PKHD1: variants seen among roughly 807,000 people sequenced by gnomAD.
PKHD1 encodes the protein PKHD1 ciliary IPT domain containing fibrocystin/polyductin.
Under a neutral mutation model 412.0 loss-of-function variants are expected in PKHD1, and 291 were observed. The observed-to-expected ratio is 0.71, with a 90% CI of 0.64 to 0.78. PKHD1 has a LOEUF of 0.78. Among genes scored for constraint, PKHD1 ranks in the 30% least tolerant of loss-of-function variants. The probability of loss-of-function intolerance (pLI) is 0.00; values close to 1 mark genes in which losing one functional copy is unlikely to be tolerated. For synonymous variants in PKHD1, 1,777 were observed against 1,821.5 expected (o/e 0.98, Z 0.62); for missense variants, 4,825 against 4,950.7 (o/e 0.97, Z 0.76).
intron 53 of PKHD1, among the ~76,000 whole-genome samples, chr6:51,785,432 T>C (rs897584441): frequency 1.3e-5 from 2 of 152,166 alleles, no homozygotes; most frequent in African/African-American, 4.8e-5. Context: ...AGATAAATGG[T>C]ATTGAGTTTA....
At chr6:52,069,572 G>T in intron 10 of PKHD1, 45 bp from the exon 11 acceptor site, 1 of 1,479,546 alleles carries the variant, frequency 6.8e-7, no homozygotes, top group Non-Finnish European at 9.5e-7. Flanking sequence ...ATATCAACTG[G>T]GATTGCATTT....
chr6:52,080,352 G>C (rs1811862612), intron 4 of PKHD1, among the ~76,000 whole-genome samples: 2 of 152,146 alleles, frequency 1.3e-5, no homozygotes, highest in African/African-American at 4.8e-5. Context: ...GAAAAACTAA[G>C]AGACTTATGT....
At chr6:51,722,569 C>T (rs540699154) in intron 60 of PKHD1, among the ~76,000 whole-genome samples, 1 of 152,124 alleles carries the variant, frequency 6.6e-6, no homozygotes, top group Non-Finnish European at 1.5e-5. Flanking sequence ...ATCCGTAAAG[C>T]ATATAACACA....
chr6:51,667,957 T>A (rs1006612379), intron 60 of PKHD1, among the ~76,000 whole-genome samples: 1 of 152,172 alleles, frequency 6.6e-6, no homozygotes, highest in African/African-American at 2.4e-5. Context: ...AGCCTTGTAG[T>A]ATAGTTTGAA....
intron 11 of PKHD1, among the ~76,000 whole-genome samples, chr6:52,068,402 C>T (rs961347713): frequency 3.3e-5 from 5 of 152,176 alleles, no homozygotes; most frequent in Non-Finnish European, 7.3e-5. Flanking sequence ...ATCAGTCATT[C>T]TAGGGTTTGA....
intron 60 of PKHD1, among the ~76,000 whole-genome samples, chr6:51,684,448 A>C (rs1777153419): frequency 6.6e-6 from 1 of 152,156 alleles, no homozygotes; most frequent in Non-Finnish European, 1.5e-5. Flanking sequence ...AGAGGCAATG[A>C]ACAAATAATG....
intron 48 of PKHD1, 64 bp downstream of exon 48, chr6:51,867,799 C>A (rs183247466): frequency 6.8e-7 from 1 of 1,468,772 alleles, no homozygotes. Context: ...CTATAAGCCT[C>A]GACAGCCAGA....
intron 46 of PKHD1, among the ~76,000 whole-genome samples, chr6:51,881,653 T>G (rs1261773654): frequency 1.3e-5 from 2 of 152,194 alleles, no homozygotes; most frequent in Admixed American, 6.5e-5. Flanking sequence ...TGGGAGGATA[T>G]CAGGGTGGTC....
intron 51 of PKHD1, among the ~76,000 whole-genome samples, chr6:51,832,322 G>T (rs1236244676): frequency 6.6e-6 from 1 of 152,008 alleles, no homozygotes; most frequent in Non-Finnish European, 1.5e-5. Context: ...AGGTTGTGAT[G>T]AGTGTATGAC....
intron 60 of PKHD1, among the ~76,000 whole-genome samples, chr6:51,738,723 C>G (rs1194546866): frequency 1.3e-5 from 2 of 152,152 alleles, no homozygotes; most frequent in Non-Finnish European, 2.9e-5. Context: ...CTTCTTCTCT[C>G]AAAAACTGCA....
chr6:51,996,278 G>C (rs535172375), intron 35 of PKHD1, among the ~76,000 whole-genome samples: 9 of 151,550 alleles, frequency 5.9e-5, no homozygotes, highest in Non-Finnish European at 1.3e-4. Flanking sequence ...CAAAGTGCTG[G>C]GATTACAGGC....
intron 55 of PKHD1, among the ~76,000 whole-genome samples, chr6:51,757,675 C>CT (rs1787248145): frequency 6.6e-6 from 1 of 152,018 alleles, no homozygotes; most frequent in East Asian, 1.9e-4. Context: ...GACCATTCAA[C>CT]TTTTTTATTG....
chr6:52,069,238 T>G (rs1003148325), intron 11 of PKHD1, among the ~76,000 whole-genome samples: 1 of 152,200 alleles, frequency 6.6e-6, no homozygotes, highest in African/African-American at 2.4e-5. Context: ...ATCCATAGAA[T>G]TTGTATAGAA....
chr6:51,663,706 G>A (rs915881036), intron 60 of PKHD1, among the ~76,000 whole-genome samples: 1 of 152,050 alleles, frequency 6.6e-6, no homozygotes, highest in Non-Finnish European at 1.5e-5. Flanking sequence ...TTACTCTATA[G>A]TACAAATATA....
intron 55 of PKHD1, among the ~76,000 whole-genome samples, chr6:51,757,406 C>T (rs758047315): frequency 6.6e-6 from 1 of 151,952 alleles, no homozygotes; most frequent in African/African-American, 2.4e-5. Flanking sequence ...ACTCATAAAG[C>T]TTCATTTTCT....
intron 52 of PKHD1, among the ~76,000 whole-genome samples, chr6:51,808,806 G>T (rs1764235224): frequency 6.6e-6 from 1 of 152,092 alleles, no homozygotes; most frequent in South Asian, 2.1e-4. Flanking sequence ...TGGAATTGGA[G>T]TTCAGTATGA....
At chr6:51,654,423 T>C (rs550355481) in intron 61 of PKHD1, among the ~76,000 whole-genome samples, 1 of 152,234 alleles carries the variant, frequency 6.6e-6, no homozygotes, top group African/African-American at 2.4e-5. Flanking sequence ...ATTTTGAACA[T>C]AATAGCTGTT....
In PKHD1 at chr6:51,883,231, T is replaced by C. The variant is rs201220508; in HGVS notation, c.7216-4A>G. 1.2e-6 allele frequency: 2 copies of C among 1,612,950 alleles called. No homozygotes were observed. Among genetic ancestry groups the C allele is most frequent in the South Asian group, 1.1e-5 (1 of 91,054 alleles). The stretch of plus-strand genomic sequence containing the variant: ...GAAGATTGCTACTTCTAAAAATCTA[T>C]AAAATACAGCATGTTACAGCAAAGG... On this transcript the variant is annotated splice_region_variant and splice_polypyrimidine_tract_variant and intron_variant, in intron 45 of 66. Transcript: ENST00000371117.
chr6:51,750,691 G>A (rs1401756384), intron 57 of PKHD1, among the ~76,000 whole-genome samples: 3 of 152,026 alleles, frequency 2.0e-5, no homozygotes, highest in Admixed American at 6.6e-5. Context: ...AACTGTACAA[G>A]GTCTTTTTAC....
Sources: gnomAD v4.1 joint callset for allele counts (sites outside exome capture counted in the v4.1 genomes callset) on GRCh38, gnomAD v4.1.1 for gene constraint, MANE v1.5 for transcripts, NCBI Gene and HGNC (gene_info 2026-07-23, HGNC 2026-07-21) for gene names.